Variants in ABCC8 observed in about 807,000 individuals in gnomAD.
ABCC8 encodes ATP-binding cassette sub-family C member 8.
Under a neutral mutation model 188.0 loss-of-function variants are expected in ABCC8, and 137 were observed. That is an observed-to-expected ratio of 0.73 (90% confidence interval 0.63 to 0.84). ABCC8 has a LOEUF of 0.84. Ranked by LOEUF, ABCC8 falls within the 40% of genes least tolerant of loss-of-function variation. ABCC8 has a pLI of 0.00. For synonymous variants in ABCC8, 797 were observed against 846.5 expected (o/e 0.94, Z 1.01); for missense variants, 1,750 against 2,072.7 (o/e 0.84, Z 3.02).
chr11:17,416,153 A>G (rs1955062961), intron 17 of ABCC8, among the ~76,000 whole-genome samples: 1 of 152,252 alleles, frequency 6.6e-6, no homozygotes, highest in African/African-American at 2.4e-5. Flanking sequence ...GGTGTTGGAG[A>G]GCAAAGGCCA....
chr11:17,402,235 G>A (rs993347584), intron 29 of ABCC8, among the ~76,000 whole-genome samples: 1 of 152,294 alleles, frequency 6.6e-6, no homozygotes, highest in African/African-American at 2.4e-5. Flanking sequence ...CAATGGAAAT[G>A]ACCATTCTCA....
At position 17,395,855 on chromosome 11, in the gene ABCC8, C is replaced by A; in HGVS notation, c.4195G>T (p.Glu1399Ter). 1.3e-6 allele frequency: 2 copies of A among 1,579,236 alleles called. No individual in the cohort carries two copies. Among genetic ancestry groups the A allele is most frequent in the Non-Finnish European group, 1.7e-6 (2 of 1,161,428 alleles). The change falls in exon 34 of 39, where the codon GAA (glutamate) becomes TAA (stop). Residue 1399 changes from glutamate (E) to a stop codon, truncating the protein, a stop_gained. Coordinates refer to ENST00000389817, the MANE Select transcript of ABCC8 (RefSeq NM_000352.6). LOFTEE classifies it high-confidence loss of function. ...GGGTGCCCGCCTTACAACTCACCTT[C>A]GAACGTGTCCACCATGCGGAAGAAG... ...LAFFRMVDTF[E>*]GHIIIDGIDI...
At chr11:17,398,591 T>A in intron 29 of ABCC8, 150 bp from the exon 30 acceptor site, 2 of 1,452,640 alleles carry the variant, frequency 1.4e-6, no homozygotes, top group Admixed American at 2.0e-5. Context: ...CTCTCTGGAA[T>A]GTCCACCCCA....
chr11:17,450,706 T>TTTTTTTTTA (rs1956782570), intron 7 of ABCC8, among the ~76,000 whole-genome samples: 9 of 141,142 alleles, frequency 6.4e-5, no homozygotes, highest in Middle Eastern at 3.8e-3. Flanking sequence ...TTTTTTTTTT[T>TTTTTTTTTA]GAGATGAAGT....
chr11:17,456,097 G>C (rs1443610588), intron 6 of ABCC8, among the ~76,000 whole-genome samples: 1 of 152,050 alleles, frequency 6.6e-6, no homozygotes, highest in Non-Finnish European at 1.5e-5. Flanking sequence ...CAGGTACCAA[G>C]GCAAGAGAGA....
chr11:17,419,777 A>T (rs1955250520), intron 16 of ABCC8, among the ~76,000 whole-genome samples: 1 of 152,216 alleles, frequency 6.6e-6, no homozygotes, highest in Non-Finnish European at 1.5e-5. Context: ...TTAAAGGAAG[A>T]GGCAGCATAT....
At chr11:17,465,556 G>A (rs1458674798) in intron 3 of ABCC8, 3 of 152,212 alleles carry the variant, frequency 2.0e-5, no homozygotes, top group African/African-American at 7.2e-5. Flanking sequence ...AGACACAGAA[G>A]TACTCAGCAA....
At chr11:17,420,067 A>G (rs1416757760) in intron 16 of ABCC8, among the ~76,000 whole-genome samples, 1 of 152,186 alleles carries the variant, frequency 6.6e-6, no homozygotes, top group Non-Finnish European at 1.5e-5. Context: ...CAGAGGGAGA[A>G]TCAGATACCC....
chr11:17,413,391 A>G lies in ABCC8; in HGVS notation c.2475+3T>C. On this transcript the variant is annotated splice_donor_region_variant and intron_variant, in intron 20 of 38. Coordinates refer to ENST00000389817, the MANE Select transcript of ABCC8 (RefSeq NM_000352.6). The stretch of plus-strand genomic sequence containing the variant: ...AAAAAACCCCTCAGAGGCTGCTACT[A>G]ACCCGTTCCCCAATCTGGGTCTGGT... 1 of 1,614,160 alleles carries G rather than the reference A, an allele frequency of 6.2e-7. No homozygotes were observed. Among genetic ancestry groups the G allele is most frequent in the South Asian group, 1.1e-5 (1 of 91,078 alleles).
In ABCC8 at chr11:17,412,641, G is replaced by A. The variant is rs180777979; in HGVS notation, c.2556+25C>T. ...AGGCCTGGGAGGCAGCCAGAGACCA[G>A]GACCCCAAGGGAACTTGCACTCACC... On this transcript the variant is annotated intron_variant, in intron 21 of 38. Coordinates refer to ENST00000389817, the MANE Select transcript of ABCC8 (RefSeq NM_000352.6). 10 of 1,603,350 alleles carry A rather than the reference G, an allele frequency of 6.2e-6. No individual in the cohort carries two copies. In the East Asian group the frequency reaches 1.6e-4, roughly 25 times the overall value.
At chr11:17,402,425 C>A (rs1199937782) in intron 29 of ABCC8, among the ~76,000 whole-genome samples, 1 of 152,218 alleles carries the variant, frequency 6.6e-6, no homozygotes, top group Non-Finnish European at 1.5e-5. Flanking sequence ...CTCTGCCTCA[C>A]AGAGGTCCTG....
chr11:17,471,589 G>A (rs533069995), intron 2 of ABCC8, among the ~76,000 whole-genome samples: 1 of 152,342 alleles, frequency 6.6e-6, no homozygotes, highest in African/African-American at 2.4e-5. Context: ...ATACTCCTTT[G>A]CCAGTGTTGG....
rs757191246 is a variant in ABCC8 at position 17,405,554 on chromosome 11, C to T, written c.3339G>A (p.Glu1113=). 3 of 1,614,210 alleles carry T rather than the reference C, an allele frequency of 1.9e-6. No individual in the cohort carries two copies. Among genetic ancestry groups the T allele is most frequent in the Non-Finnish European group, 2.5e-6 (3 of 1,180,032 alleles). The change falls in exon 27 of 39, where the codon GAG becomes GAA. Residue 1113 remains glutamate, a synonymous_variant. Transcript: ENST00000389817. ...RIILAPMRFF[E]TTPLGSILNR... is the part of the protein sequence containing the mutation. ...TCAGGATGCTCCCAAGGGGCGTGGT[C>T]TCAAAAAACCTAAGAGGCAGCCAGA... is the stretch of plus-strand genomic sequence containing the variant.
At chr11:17,423,016 G>A (rs943391808) in intron 16 of ABCC8, among the ~76,000 whole-genome samples, 3 of 151,948 alleles carry the variant, frequency 2.0e-5, no homozygotes, top group African/African-American at 7.3e-5. Flanking sequence ...AGAGTCAATT[G>A]TGGTTCCTCT....
intron 23 of ABCC8, chr11:17,408,136 G>C: frequency 2.5e-6 from 1 of 395,028 alleles, no homozygotes; most frequent in South Asian, 4.4e-5. Flanking sequence ...AGTTTGAGTT[G>C]ATTTTCTGAA....
chr11:17,458,833 A>G (rs1957087849), intron 6 of ABCC8, among the ~76,000 whole-genome samples: 1 of 152,214 alleles, frequency 6.6e-6, no homozygotes, highest in African/African-American at 2.4e-5. Context: ...TCCTCTATGA[A>G]GCTGTTCATG....
At chr11:17,469,068 C>CCCTCCCTT (rs1848328984) in intron 3 of ABCC8, among the ~76,000 whole-genome samples, 1 of 131,426 alleles carries the variant, frequency 7.6e-6, no homozygotes, top group Non-Finnish European at 1.6e-5. Context: ...CTCCCTCCCT[C>CCCTCCCTT]CCTTCCCTCC....
chr11:17,402,528 G>A (rs1437439383), intron 29 of ABCC8, 133 bp downstream of exon 29: 2 of 1,559,334 alleles, frequency 1.3e-6, no homozygotes, highest in Non-Finnish European at 1.7e-6. Flanking sequence ...TTGGGCCTTG[G>A]GACCTGAGGC....
chr11:17,425,161 T>C (rs1955524737), intron 16 of ABCC8, among the ~76,000 whole-genome samples: 1 of 152,130 alleles, frequency 6.6e-6, no homozygotes. Context: ...TCAGGCTATG[T>C]TGAAAAATCT....
Sources: allele counts gnomAD v4.1 joint callset (sites outside exome capture counted in the v4.1 genomes callset), GRCh38; gene constraint gnomAD v4.1.1; transcripts MANE v1.5; gene names NCBI Gene and HGNC (gene_info 2026-07-23, HGNC 2026-07-21).